USP37: variants seen among roughly 807,000 people sequenced by gnomAD.
USP37 encodes the protein ubiquitin carboxyl-terminal hydrolase 37.
A neutral mutation model predicts 124.0 loss-of-function variants in USP37; 27 were observed. The ratio of observed to expected loss-of-function variants is 0.22; its 90% CI spans 0.16 to 0.30. The LOEUF (loss-of-function observed/expected upper bound fraction) is 0.30. Ranked by LOEUF, USP37 falls within the 10% of genes least tolerant of loss-of-function variation. The pLI is 1.00. For missense variants in USP37, 889 were observed against 1,140.4 expected, an observed-to-expected ratio of 0.78 and a Z score of 3.17; for synonymous variants, 365 against 388.0, an observed-to-expected ratio of 0.94 and a Z score of 0.70.
chr2:218,455,075 T>C (rs562946767), intron 25 of USP37, 58 bp from the exon 26 acceptor site: 20 of 1,594,300 alleles, frequency 1.3e-5, no homozygotes, highest in African/African-American at 9.4e-5. Flanking sequence ...AACCAAAGAA[T>C]AGGCAGGAGA....
chr2:218,553,821 C>T, intron 4 of USP37, 97 bp from the exon 5 acceptor site: 1 of 1,184,940 alleles, frequency 8.4e-7, no homozygotes, highest in Non-Finnish European at 1.1e-6. Context: ...TTCCATGTTA[C>T]ATTTATCACT....
At chr2:218,493,381 C>T (rs192646255) in intron 14 of USP37, among the ~76,000 whole-genome samples, 1 of 152,200 alleles carries the variant, frequency 6.6e-6, no homozygotes, top group Non-Finnish European at 1.5e-5. Flanking sequence ...GATGCACATA[C>T]CTCAACTGCA....
At chr2:218,557,254 A>G (rs2106057032) in intron 4 of USP37, among the ~76,000 whole-genome samples, 1 of 152,310 alleles carries the variant, frequency 6.6e-6, no homozygotes. Context: ...GAACTGAGAT[A>G]AAGGCTGAAG....
intron 6 of USP37, among the ~76,000 whole-genome samples, chr2:218,549,516 G>C (rs1304474639): frequency 6.8e-6 from 1 of 147,104 alleles, no homozygotes; most frequent in Non-Finnish European, 1.5e-5. Flanking sequence ...CCTGGCTGGA[G>C]TGCAATGCCA....
intron 11 of USP37, among the ~76,000 whole-genome samples, chr2:218,500,344 C>T (rs1323011514): frequency 1.3e-5 from 2 of 152,168 alleles, no homozygotes; most frequent in Non-Finnish European, 2.9e-5. Context: ...ACAGCAACTT[C>T]CATCTCCCAG....
intron 10 of USP37, among the ~76,000 whole-genome samples, chr2:218,526,882 G>T (rs896139883): frequency 7.7e-6 from 1 of 130,276 alleles, no homozygotes; most frequent in East Asian, 2.8e-4. Flanking sequence ...TCCGCCTCCC[G>T]GGTTCACGCC....
chr2:218,532,466 C>CAAAAAA (rs35277725), intron 9 of USP37, among the ~76,000 whole-genome samples: 1 of 115,388 alleles, frequency 8.7e-6, no homozygotes, highest in Non-Finnish European at 1.8e-5. Flanking sequence ...GACTCTGTCT[C>CAAAAAA]AAAAAAAAAA....
chr2:218,488,247 T>C (rs1260311886), intron 15 of USP37, 57 bp downstream of exon 15: 20 of 1,029,046 alleles, frequency 1.9e-5, no homozygotes, highest in East Asian at 5.6e-5. Context: ...AATATTCAAA[T>C]ACAACTATCA....
intron 11 of USP37, among the ~76,000 whole-genome samples, chr2:218,504,055 T>C (rs1346565297): frequency 6.6e-6 from 1 of 152,170 alleles, no homozygotes; most frequent in Non-Finnish European, 1.5e-5. Flanking sequence ...TTCATAACAA[T>C]AGGGAGGTCG....
At chr2:218,483,655 T>C (rs1047671634) in intron 16 of USP37, among the ~76,000 whole-genome samples, 11 of 151,840 alleles carry the variant, frequency 7.2e-5, no homozygotes, top group East Asian at 3.9e-4. Context: ...TTAGCATTTT[T>C]TTCCCCCCAC....
At chr2:218,465,693 G>A (rs1376759869) in intron 21 of USP37, among the ~76,000 whole-genome samples, 2 of 152,100 alleles carry the variant, frequency 1.3e-5, no homozygotes, top group African/African-American at 4.8e-5. Flanking sequence ...GAGTAGCTGG[G>A]ACTACAGGTG....
chr2:218,513,393 GAAGTA>G (rs1385185619), intron 10 of USP37, among the ~76,000 whole-genome samples: 1 of 152,122 alleles, frequency 6.6e-6, no homozygotes, highest in Non-Finnish European at 1.5e-5. Flanking sequence ...CAGCTTTACT[GAAGTA>G]TAGTTGACAT....
intron 10 of USP37, chr2:218,528,878 T>C: frequency 5.8e-6 from 2 of 343,430 alleles, no homozygotes; most frequent in Non-Finnish European, 9.9e-6. Context: ...AATATCCAAC[T>C]AGCCTTTTCC....
At chr2:218,556,797 G>A (rs888890029) in intron 4 of USP37, among the ~76,000 whole-genome samples, 1 of 151,868 alleles carries the variant, frequency 6.6e-6, no homozygotes, top group Non-Finnish European at 1.5e-5. Context: ...ACAGACGTGA[G>A]CCATCACGCC....
intron 5 of USP37, 85 bp downstream of exon 5, chr2:218,553,468 A>T (rs1574959780): frequency 1.6e-6 from 2 of 1,274,970 alleles, no homozygotes; most frequent in Non-Finnish European, 2.1e-6. Context: ...TAATGTGCTG[A>T]TGAATTCAGT....
intron 16 of USP37, among the ~76,000 whole-genome samples, chr2:218,483,836 C>G (rs964330214): frequency 1.3e-5 from 2 of 152,272 alleles, no homozygotes; most frequent in African/African-American, 4.8e-5. Flanking sequence ...CACTCACAAA[C>G]AGGAAAGAAC....
chr2:218,462,777 G>A (rs10189064), intron 22 of USP37, among the ~76,000 whole-genome samples: 3,154 of 152,128 alleles, frequency 0.021, 52 homozygotes, highest in Non-Finnish European at 0.031. Context: ...AGCTGAAGAT[G>A]AATACAAATG....
At chr2:218,519,985 T>C (rs560675504) in intron 10 of USP37, among the ~76,000 whole-genome samples, 1 of 152,296 alleles carries the variant, frequency 6.6e-6, no homozygotes, top group Non-Finnish European at 1.5e-5. Flanking sequence ...TCACCCATGC[T>C]GGAGTACAAT....
intron 9 of USP37, among the ~76,000 whole-genome samples, chr2:218,531,130 T>C (rs771954723): frequency 6.6e-6 from 1 of 152,246 alleles, no homozygotes; most frequent in Non-Finnish European, 1.5e-5. Flanking sequence ...AATAGCTTTA[T>C]ATTGGAAGAT....
Sources: gnomAD v4.1 joint callset for allele counts (sites outside exome capture counted in the v4.1 genomes callset) on GRCh38, gnomAD v4.1.1 for gene constraint, MANE v1.5 for transcripts, NCBI Gene and HGNC (gene_info 2026-07-23, HGNC 2026-07-21) for gene names.